The following EYA4 variants were observed in gnomAD, a reference collection of about 807,000 sequenced individuals.
EYA4 encodes EYA transcriptional coactivator and phosphatase 4.
EYA4 carries 31 observed loss-of-function variants against 87.9 expected under a neutral mutation model. The observed-to-expected ratio is 0.35, with a 90% CI of 0.27 to 0.48. The LOEUF (loss-of-function observed/expected upper bound fraction) is 0.48. Ranked by LOEUF, EYA4 falls within the 20% of genes least tolerant of loss-of-function variation. EYA4 has a pLI of 0.99. For missense variants in EYA4, 678 were observed against 761.4 expected (o/e 0.89, Z 1.29); for synonymous variants, 263 against 270.6 (o/e 0.97, Z 0.28).
chr6:133,303,432 G>A (rs543472543), intron 2 of EYA4, among the ~76,000 whole-genome samples: 2 of 152,326 alleles, frequency 1.3e-5, no homozygotes, highest in African/African-American at 4.8e-5. Flanking sequence ...TTGGAGGCAT[G>A]TGCTGGAGCT....
At chr6:133,278,638 TA>T in intron 2 of EYA4, among the ~76,000 whole-genome samples, 1 of 152,322 alleles carries the variant, frequency 6.6e-6, no homozygotes, top group South Asian at 2.1e-4. Context: ...TCGACTCACT[TA>T]AAAAATTGCA....
At chr6:133,268,679 G>C (rs546779211) in intron 1 of EYA4, among the ~76,000 whole-genome samples, 4 of 152,218 alleles carry the variant, frequency 2.6e-5, no homozygotes, top group African/African-American at 9.6e-5. Context: ...TGGGCCAGGG[G>C]ACAGTTCACA....
intron 3 of EYA4, among the ~76,000 whole-genome samples, chr6:133,444,705 C>T (rs1429751085): frequency 3.3e-5 from 5 of 151,928 alleles, no homozygotes; most frequent in Non-Finnish European, 7.4e-5. Context: ...ACAGTGACCC[C>T]GTTTAGTTGA....
At chr6:133,347,717 A>G (rs1783302238) in intron 2 of EYA4, among the ~76,000 whole-genome samples, 1 of 152,122 alleles carries the variant, frequency 6.6e-6, no homozygotes, top group Admixed American at 6.5e-5. Context: ...TATTTTAGAG[A>G]TGATAAAACC....
At chr6:133,464,881 T>A in intron 10 of EYA4, 23 bp downstream of exon 10, 1 of 1,523,982 alleles carries the variant, frequency 6.6e-7, no homozygotes, top group Non-Finnish European at 9.1e-7. Context: ...TTTGTGTTTA[T>A]GCTTTTTATA....
chr6:133,446,533 A>G (rs1792861222), intron 3 of EYA4, 97 bp from the exon 4 acceptor site: 5 of 1,370,480 alleles, frequency 3.6e-6, no homozygotes, highest in Non-Finnish European at 5.2e-6. Flanking sequence ...TTTAATTATT[A>G]CTGTGAGATC....
rs1800937838 is a variant in EYA4 at position 133,530,360 on chromosome 6, A to G, written c.*1555A>G. ...TGGTTTTTTTCCTTGTGTGTAGCCC[A>G]TGTTGGGAACACGATACAGGTTCTC... On this transcript the variant is annotated 3_prime_UTR_variant, in exon 20 of 20. Coordinates refer to ENST00000355286, the MANE Select transcript of EYA4 (RefSeq NM_004100.5). 1 of 985,450 alleles carries G rather than the reference A, an allele frequency of 1.0e-6. No individual in the cohort carries two copies. Among genetic ancestry groups the G allele is most frequent in the Non-Finnish European group, 1.2e-6 (1 of 829,936 alleles). 61.0% of individuals were successfully genotyped at this position (985,450 alleles called of 1,614,324 possible).
intron 2 of EYA4, among the ~76,000 whole-genome samples, chr6:133,372,390 G>A (rs866642410): frequency 1.1e-4 from 17 of 152,008 alleles, no homozygotes; most frequent in Middle Eastern, 6.8e-3. Context: ...AACTACTAAT[G>A]AAGAATTTTA....
chr6:133,351,429 G>T (rs1040365034), intron 2 of EYA4, among the ~76,000 whole-genome samples: 155 of 152,142 alleles, frequency 1.0e-3, no homozygotes, highest in Admixed American at 3.7e-3. Context: ...GAGTCCCCAT[G>T]CAGATTTCTG....
intron 2 of EYA4, among the ~76,000 whole-genome samples, chr6:133,280,542 A>G: frequency 6.6e-6 from 1 of 152,138 alleles, no homozygotes. Context: ...GACTACAGGC[A>G]TGTGCCACGG....
In EYA4 at chr6:133,436,150, C is replaced by T. The variant is rs546571187; in HGVS notation, c.84-10480C>T. 2.9e-3 allele frequency among the ~76,000 whole-genome samples: 439 copies of T among 151,152 alleles called. 2 individuals carry two copies. Among genetic ancestry groups the T allele is most frequent in the African/African-American group, 0.01 (422 of 41,156 alleles). On this transcript the variant is annotated intron_variant, in intron 3 of 19. Coordinates refer to ENST00000355286, the MANE Select transcript of EYA4 (RefSeq NM_004100.5). ...AGGAGAATTGCTTGAACTCGGAAGG[C>T]GGAGGTTGCAGTGAGCCAAGATCGT...
chr6:133,438,052 G>A (rs1331184788), intron 3 of EYA4, among the ~76,000 whole-genome samples: 3 of 151,926 alleles, frequency 2.0e-5, no homozygotes, highest in South Asian at 4.1e-4. Flanking sequence ...TGTATAAATT[G>A]GAATTAAAAA....
chr6:133,268,501 A>G (rs1339080749), intron 1 of EYA4, among the ~76,000 whole-genome samples: 1 of 152,178 alleles, frequency 6.6e-6, no homozygotes, highest in Non-Finnish European at 1.5e-5. Context: ...AAATGGCTCT[A>G]AAGGAGAAGG....
chr6:133,489,716 G>A (rs1043123108), intron 13 of EYA4, among the ~76,000 whole-genome samples: 3 of 152,008 alleles, frequency 2.0e-5, no homozygotes, highest in African/African-American at 7.3e-5. Flanking sequence ...AACAAAAACT[G>A]AGTGATTTCA....
chr6:133,491,951 C>CAAAAA (rs34316449), intron 13 of EYA4, among the ~76,000 whole-genome samples: 2 of 83,660 alleles, frequency 2.4e-5, no homozygotes, highest in African/African-American at 4.7e-5. Context: ...AACTCCGTCT[C>CAAAAA]AAAAAAAAAA....
intron 8 of EYA4, 67 bp downstream of exon 8, chr6:133,462,544 A>G (rs1794491752): frequency 6.2e-7 from 1 of 1,612,620 alleles, no homozygotes; most frequent in African/African-American, 1.3e-5. Flanking sequence ...GTAGCTTTGT[A>G]TTCTATTGTA....
intron 2 of EYA4, among the ~76,000 whole-genome samples, chr6:133,285,239 G>C (rs1457888473): frequency 6.6e-6 from 1 of 152,122 alleles, no homozygotes. Context: ...CTTGTGATCT[G>C]CCTGCCTCGG....
intron 11 of EYA4, among the ~76,000 whole-genome samples, chr6:133,479,430 T>C (rs917935322): frequency 8.5e-5 from 13 of 152,242 alleles, no homozygotes; most frequent in African/African-American, 3.1e-4. Flanking sequence ...TTTTTGATCA[T>C]GTGCTGACAT....
chr6:133,331,259 T>C (rs1164803088), intron 2 of EYA4, among the ~76,000 whole-genome samples: 1 of 152,154 alleles, frequency 6.6e-6, no homozygotes, highest in Non-Finnish European at 1.5e-5. Context: ...AATGGACTTT[T>C]AAAAATTTGT....
Sources: gnomAD v4.1 joint callset for allele counts (sites outside exome capture counted in the v4.1 genomes callset) on GRCh38, gnomAD v4.1.1 for gene constraint, MANE v1.5 for transcripts, NCBI Gene and HGNC (gene_info 2026-07-23, HGNC 2026-07-21) for gene names.